FARP1: variants seen among roughly 807,000 people sequenced by gnomAD.
The protein encoded by FARP1 is FERM, ARH/RhoGEF and pleckstrin domain protein 1.
Under a neutral mutation model 128.8 loss-of-function variants are expected in FARP1, and 52 were observed. The observed-to-expected ratio is 0.40, with a 90% CI of 0.32 to 0.51. The LOEUF is 0.51. Ranked by LOEUF, FARP1 falls within the 20% of genes least tolerant of loss-of-function variation. The pLI is 0.45. For missense variants in FARP1, 1,333 were observed against 1,367.9 expected, an observed-to-expected ratio of 0.97 and a Z score of 0.40; for synonymous variants, 580 against 551.8, an observed-to-expected ratio of 1.05 and a Z score of -0.72.
intron 2 of FARP1, among the ~76,000 whole-genome samples, chr13:98,214,420 C>T (rs1880937586): frequency 6.6e-6 from 1 of 152,096 alleles, no homozygotes; most frequent in Non-Finnish European, 1.5e-5. Flanking sequence ...AGGAAGATAA[C>T]TCTTGAATTC....
intron 1 of FARP1, among the ~76,000 whole-genome samples, chr13:98,204,914 C>T (rs1189466619): frequency 6.6e-6 from 1 of 151,762 alleles, no homozygotes; most frequent in Admixed American, 6.6e-5. Flanking sequence ...TGCCACTGCT[C>T]TCTAGCCCAG....
rs34395673 is a variant in FARP1 at position 98,377,374 on chromosome 13, C to CAAA, written c.399-432_399-430dup. ...GGGTCCTATGGAAGTAGTTACACCACAAAAAAAAAAAAAAAAATGACGCCC... is the reference window on the plus strand; with the variant it reads ...GGGTCCTATGGAAGTAGTTACACCACAAAAAAAAAAAAAAAAAAAATGACGCCC... On this transcript the variant is annotated intron_variant, in intron 5 of 26. Coordinates refer to ENST00000319562, the MANE Select transcript of FARP1 (RefSeq NM_005766.4). Among the ~76,000 whole-genome samples, 88 of 134,608 alleles carry CAAA rather than the reference C, an allele frequency of 6.5e-4. 1 individual carries two copies. Among genetic ancestry groups the CAAA allele is most frequent in the African/African-American group, 2.3e-3 (87 of 37,052 alleles). The allele number at this position is 134,608 out of a possible 152,430, so 88.3% of individuals were successfully genotyped here. A position where few individuals can be genotyped will look rare whatever the true frequency, so the allele number is the denominator to read the frequency against.
chr13:98,391,175 A>AT (rs1445524304), intron 11 of FARP1, among the ~76,000 whole-genome samples: 1 of 152,224 alleles, frequency 6.6e-6, no homozygotes, highest in Non-Finnish European at 1.5e-5. Context: ...ATGAAGCATG[A>AT]TAAAAACTAG....
intron 1 of FARP1, among the ~76,000 whole-genome samples, chr13:98,182,137 G>T (rs548062332): frequency 4.6e-5 from 7 of 151,870 alleles, no homozygotes; most frequent in Non-Finnish European, 8.8e-5. Context: ...AATTTTATCA[G>T]TTAATTATGA....
At chr13:98,207,987 G>A (rs1460801376) in intron 1 of FARP1, among the ~76,000 whole-genome samples, 1 of 131,932 alleles carries the variant, frequency 7.6e-6, no homozygotes, top group Non-Finnish European at 1.5e-5. Flanking sequence ...CATTGGCCCA[G>A]TATTGAGGAT....
chr13:98,259,982 G>T (rs1210636575), intron 2 of FARP1, among the ~76,000 whole-genome samples: 2 of 150,216 alleles, frequency 1.3e-5, no homozygotes. Context: ...TAAAACAAGG[G>T]AATCGGAATA....
chr13:98,412,428 A>T (rs533713620), intron 16 of FARP1, among the ~76,000 whole-genome samples: 1 of 152,364 alleles, frequency 6.6e-6, no homozygotes, highest in African/African-American at 2.4e-5. Flanking sequence ...TGCCTTGTGC[A>T]GTTTTCTGTA....
chr13:98,247,809 C>T lies in FARP1; in HGVS notation c.171+34396C>T, dbSNP rs561555214. ...AAACAGAGAACAGGGGCAAGATGTC[C>T]GCAGCATCCAGAAGGAGGCCTCTTC... is the stretch of plus-strand genomic sequence containing the variant. On this transcript the variant is annotated intron_variant, in intron 2 of 26. Transcript: ENST00000319562. Among the ~76,000 whole-genome samples the T allele has an allele frequency of 7.2e-5, 11 of 152,214 alleles. No homozygotes were observed. In the East Asian group the frequency reaches 9.7e-4, roughly 13 times the overall value.
intron 2 of FARP1, among the ~76,000 whole-genome samples, chr13:98,224,771 T>C (rs1881660636): frequency 6.6e-6 from 1 of 151,994 alleles, no homozygotes; most frequent in African/African-American, 2.4e-5. Flanking sequence ...GCACCCTCTG[T>C]GGTTGGAGGC....
intron 2 of FARP1, among the ~76,000 whole-genome samples, chr13:98,318,423 T>C (rs1886838594): frequency 6.6e-6 from 1 of 152,192 alleles, no homozygotes; most frequent in African/African-American, 2.4e-5. Flanking sequence ...CATTTAACCT[T>C]AATTGCTGTA....
At position 98,213,384 on chromosome 13, in the gene FARP1, G is replaced by A. The variant is rs1880851985; in HGVS notation, c.142G>A (p.Asp48Asn). The stretch of plus-strand genomic sequence containing the variant: ...CGTGTCCATCAAAATCCAGATGCTG[G>A]ATGACACCCAGGAGGCATTTGAAGT... ...KLVSIKIQML[D>N]DTQEAFEVPQ... is the part of the protein sequence containing the mutation. Residue 48 changes from aspartate (D) to asparagine (N), a missense_variant, in exon 2 of 27, where the codon GAT (aspartate) becomes AAT (asparagine). By Grantham distance (23) the Asp-to-Asn change is conservative. Around this residue, in one of 2 missense-constraint regions of FARP1, gnomAD observed 324 missense variants for 398.1 expected, o/e 0.81. Coordinates refer to ENST00000319562, the MANE Select transcript of FARP1 (RefSeq NM_005766.4). The A allele has an allele frequency of 1.2e-6, 2 of 1,614,038 alleles. No individual in the cohort carries two copies. Among genetic ancestry groups the A allele is most frequent in the Non-Finnish European group, 1.7e-6 (2 of 1,180,000 alleles).
chr13:98,229,863 C>T (rs190766827), intron 2 of FARP1, among the ~76,000 whole-genome samples: 5 of 152,110 alleles, frequency 3.3e-5, no homozygotes, highest in South Asian at 2.1e-4. Context: ...TGAGTTACTA[C>T]GCCTCTCTCT....
In FARP1 at chr13:98,448,359, A is replaced by G. The variant is rs1892994583; in HGVS notation, c.*42A>G. 3.0e-5 allele frequency: 44 copies of G among 1,450,446 alleles called. No homozygotes were observed. The highest frequency in any genetic ancestry group is 4.3e-5 in the Non-Finnish European group (44 of 1,030,786). The allele number at this position is 1,450,446 out of a possible 1,614,324, so 89.8% of individuals were successfully genotyped here. On this transcript the variant is annotated 3_prime_UTR_variant, in exon 27 of 27. Transcript: ENST00000319562. ...TTTCCGCAGTGGCTGCTTTCCTGGA[A>G]GACGTTTCCTTTCTTCTGTATTAAT...
rs768704584 is a variant in FARP1 at position 98,392,500 on chromosome 13, CAAAAA to C, written c.1089-1135_1089-1131del. Among the ~76,000 whole-genome samples the C allele has an allele frequency of 1.9e-4, 26 of 136,394 alleles. No homozygotes were observed. In the East Asian group the frequency reaches 3.6e-3, roughly 19 times the overall value. The allele number at this position is 136,394 out of a possible 152,430, so 89.5% of individuals were successfully genotyped here. On this transcript the variant is annotated intron_variant, in intron 11 of 26. Transcript: ENST00000319562. ...TGGGCCACAGAGCGAGATCCTGTCCCAAAAAAAAAAAAGAGAAAAAAGAAAAACTG... is the reference window on the plus strand; with the variant it reads ...TGGGCCACAGAGCGAGATCCTGTCCCAAAAAAAGAGAAAAAAGAAAAACTG...
intron 2 of FARP1, among the ~76,000 whole-genome samples, chr13:98,297,728 A>T (rs949000466): frequency 6.6e-6 from 1 of 152,164 alleles, no homozygotes; most frequent in Admixed American, 6.5e-5. Flanking sequence ...GGGGGAAGGA[A>T]GCCCCTCTCT....
At chr13:98,270,450 G>T (rs1262783992) in intron 2 of FARP1, among the ~76,000 whole-genome samples, 1 of 152,174 alleles carries the variant, frequency 6.6e-6, no homozygotes, top group African/African-American at 2.4e-5. Context: ...GGGCATTGTA[G>T]GGTCCTGGTT....
chr13:98,306,707 C>T (rs1254164500), intron 2 of FARP1, among the ~76,000 whole-genome samples: 3 of 151,386 alleles, frequency 2.0e-5, no homozygotes, highest in Admixed American at 2.0e-4. Context: ...CATTTTTTGT[C>T]GAGATGAGGT....
chr13:98,224,294 G>A (rs546034506), intron 2 of FARP1, among the ~76,000 whole-genome samples: 182 of 152,140 alleles, frequency 1.2e-3, no homozygotes, highest in African/African-American at 4.3e-3. Context: ...TTGGGAGGCC[G>A]AGGCAGGTGG....
intron 5 of FARP1, among the ~76,000 whole-genome samples, chr13:98,377,267 A>T (rs1594462821): frequency 6.7e-6 from 1 of 150,296 alleles, no homozygotes; most frequent in African/African-American, 2.4e-5. Context: ...ACGCCACTGC[A>T]CTCCAGCCTG....
Sources: allele counts gnomAD v4.1 joint callset (sites outside exome capture counted in the v4.1 genomes callset), GRCh38; gene constraint gnomAD v4.1.1; regional missense constraint gnomAD v4.1.1; transcripts MANE v1.5; gene names NCBI Gene and HGNC (gene_info 2026-07-23, HGNC 2026-07-21).